RSU1: variants seen among roughly 807,000 people sequenced by gnomAD.
RSU1 encodes the protein Ras suppressor protein 1, also known as rsu-1.
RSU1 carries 26 observed loss-of-function variants against 31.1 expected under a neutral mutation model. The ratio of observed to expected loss-of-function variants is 0.84; its 90% confidence interval spans 0.61 to 1.16. The LOEUF is 1.16. Among genes scored for constraint, RSU1 ranks in the 50% most tolerant of loss-of-function variants. RSU1 has a pLI of 0.00. For missense variants in RSU1, 320 were observed against 339.1 expected, an observed-to-expected ratio of 0.94 and a Z score of 0.44; for synonymous variants, 164 against 136.3, an observed-to-expected ratio of 1.20 and a Z score of -1.41.
chr10:16,600,966 C>A (rs1833706721), intron 8 of RSU1, among the ~76,000 whole-genome samples: 1 of 152,168 alleles, frequency 6.6e-6, no homozygotes, highest in South Asian at 2.1e-4. Context: ...GCAAGGAAGA[C>A]CCCACCCCGC....
At chr10:16,785,784 A>G (rs1837780145) in intron 2 of RSU1, among the ~76,000 whole-genome samples, 1 of 151,726 alleles carries the variant, frequency 6.6e-6, no homozygotes, top group Non-Finnish European at 1.5e-5. Flanking sequence ...CCCATTGATA[A>G]GGATCTTCAC....
At chr10:16,607,569 A>G (rs1256952821) in intron 8 of RSU1, among the ~76,000 whole-genome samples, 1 of 152,146 alleles carries the variant, frequency 6.6e-6, no homozygotes, top group Admixed American at 6.5e-5. Context: ...ATCTGGCCTG[A>G]GCACTGCTAC....
At position 16,743,425 on chromosome 10, in the gene RSU1, A is replaced by G. The variant is rs140467546; in HGVS notation, c.598+9114T>C. 9.2e-5 allele frequency among the ~76,000 whole-genome samples: 14 copies of G among 152,360 alleles called. No individual in the cohort carries two copies. The East Asian group carries it at 2.5e-3, about 27-fold the overall frequency. On this transcript the variant is annotated intron_variant, in intron 7 of 8. Coordinates refer to ENST00000345264, the MANE Select transcript of RSU1 (RefSeq NM_012425.4). ...AGAGGCCAGAGAGCTCTCCTTGCCT[A>G]CATTATACAACTGAGATTAAGTGCA...
chr10:16,593,923 A>C (rs1218544763), intron 8 of RSU1, among the ~76,000 whole-genome samples: 1 of 152,240 alleles, frequency 6.6e-6, no homozygotes, highest in East Asian at 1.9e-4. Context: ...AATGGTGTCC[A>C]AATCTGTGCT....
chr10:16,755,372 C>A (rs1837061533), intron 4 of RSU1, among the ~76,000 whole-genome samples: 1 of 151,836 alleles, frequency 6.6e-6, no homozygotes, highest in Non-Finnish European at 1.5e-5. Context: ...ATCCTCTCAC[C>A]TAGGCCTCCC....
chr10:16,686,110 T>C (rs947913847), intron 8 of RSU1, among the ~76,000 whole-genome samples: 37 of 152,124 alleles, frequency 2.4e-4, no homozygotes, highest in African/African-American at 8.7e-4. Flanking sequence ...AATCCTTAAA[T>C]GCCCAAAATT....
intron 7 of RSU1, among the ~76,000 whole-genome samples, chr10:16,716,864 A>G (rs1299124522): frequency 2.0e-5 from 3 of 152,130 alleles, no homozygotes; most frequent in Non-Finnish European, 4.4e-5. Flanking sequence ...ATACAGACTG[A>G]TTTCATCACT....
chr10:16,727,877 G>A (rs1017935165), intron 7 of RSU1, among the ~76,000 whole-genome samples: 3 of 152,206 alleles, frequency 2.0e-5, no homozygotes, highest in Non-Finnish European at 2.9e-5. Context: ...GTGGGTAGCC[G>A]TGGGGGGCTA....
chr10:16,816,031 C>T (rs893916310), intron 2 of RSU1, among the ~76,000 whole-genome samples: 6 of 152,110 alleles, frequency 3.9e-5, no homozygotes, highest in Admixed American at 6.5e-5. Context: ...GCATTACCGT[C>T]GATAATGGAC....
At chr10:16,770,964 A>G (rs1353531988) in intron 3 of RSU1, among the ~76,000 whole-genome samples, 1 of 142,488 alleles carries the variant, frequency 7.0e-6, no homozygotes, top group Admixed American at 6.7e-5. Flanking sequence ...ATTTAAAAAA[A>G]AAAAAAAAAA....
At position 16,593,244 on chromosome 10, in the gene RSU1, A is replaced by G; in HGVS notation, c.*150T>C. The G allele has an allele frequency of 1.5e-6, 2 of 1,372,020 alleles. No homozygotes were observed. The highest frequency in any genetic ancestry group is 1.9e-6 in the Non-Finnish European group (2 of 1,036,918). The allele number at this position is 1,372,020 out of a possible 1,614,324, so 85.0% of individuals were successfully genotyped here. On this transcript the variant is annotated 3_prime_UTR_variant, in exon 9 of 9. Coordinates refer to ENST00000345264, the MANE Select transcript of RSU1 (RefSeq NM_012425.4). ...CTCCCACCTAGCAAAAGAATCTAAA[A>G]GGTAAGGTGGGAAGCATTAGAAAGA...
intron 2 of RSU1, among the ~76,000 whole-genome samples, chr10:16,786,305 G>A (rs1158021817): frequency 6.6e-6 from 1 of 152,172 alleles, no homozygotes; most frequent in African/African-American, 2.4e-5. Flanking sequence ...TTACAGTGAT[G>A]GTTAAATTGC....
At chr10:16,785,431 T>TATACATATATAC (rs55879836) in intron 2 of RSU1, among the ~76,000 whole-genome samples, 1 of 128,006 alleles carries the variant, frequency 7.8e-6, no homozygotes. Flanking sequence ...TATATACATA[T>TATACATATATAC]ATATATATAC....
chr10:16,803,795 T>A (rs1411951471), intron 2 of RSU1, among the ~76,000 whole-genome samples: 2 of 152,116 alleles, frequency 1.3e-5, no homozygotes, highest in African/African-American at 4.8e-5. Flanking sequence ...AAAATCAATC[T>A]AGACAAAGAC....
chr10:16,594,925 C>T (rs947777322), intron 8 of RSU1, among the ~76,000 whole-genome samples: 2 of 151,472 alleles, frequency 1.3e-5, no homozygotes, highest in Non-Finnish European at 2.9e-5. Flanking sequence ...ACTGGGCTTA[C>T]AGGCATGCAC....
chr10:16,607,156 T>C (rs920001247), intron 8 of RSU1, among the ~76,000 whole-genome samples: 1 of 152,180 alleles, frequency 6.6e-6, no homozygotes, highest in Non-Finnish European at 1.5e-5. Flanking sequence ...TTGAAAAGCA[T>C]GCAGCATTGA....
intron 8 of RSU1, among the ~76,000 whole-genome samples, chr10:16,661,283 AGTGCGTGTGTGTGT>A (rs1179146112): frequency 6.0e-5 from 7 of 115,926 alleles, no homozygotes; most frequent in African/African-American, 9.3e-5. Flanking sequence ...ATATGTAGAG[AGTGCGTGTGTGTGT>A]GTGTGTGTGT....
intron 4 of RSU1, among the ~76,000 whole-genome samples, chr10:16,763,064 A>C (rs1837241381): frequency 6.6e-6 from 1 of 152,128 alleles, no homozygotes; most frequent in African/African-American, 2.4e-5. Flanking sequence ...ACTCCACGTC[A>C]ATCACTAACT....
intron 7 of RSU1, among the ~76,000 whole-genome samples, chr10:16,710,201 T>C (rs993168527): frequency 2.6e-5 from 4 of 152,198 alleles, no homozygotes; most frequent in African/African-American, 7.2e-5. Context: ...AACTAATTTG[T>C]TGAGTTTTTA....
Sources: allele counts gnomAD v4.1 joint callset (sites outside exome capture counted in the v4.1 genomes callset), GRCh38; gene constraint gnomAD v4.1.1; transcripts MANE v1.5; gene names NCBI Gene and HGNC (gene_info 2026-07-23, HGNC 2026-07-21).